Variants in GAL3ST2 observed in about 807,000 individuals in gnomAD.
GAL3ST2 encodes the protein beta-galactose-3-O-sulfotransferase 2.
In GAL3ST2, 16 loss-of-function variants were observed where a neutral mutation model predicts 12.9. The ratio of observed to expected loss-of-function variants is 1.24; its 90% CI spans 0.84 to 1.88. GAL3ST2 has a LOEUF of 1.88. Ranked by LOEUF, GAL3ST2 falls within the 40% of genes most tolerant of loss-of-function variation. The pLI is 0.00. For synonymous variants in GAL3ST2, 302 were observed against 273.9 expected (o/e 1.10, Z -1.01); for missense variants, 639 against 571.8 (o/e 1.12, Z -1.20).
At position 241,787,928 on chromosome 2, in the gene GAL3ST2, CCTCT is replaced by C. The variant is rs1699647672; in HGVS notation, c.29+10947_29+10950del. On this transcript the variant is annotated intron_variant, in intron 1 of 3. Coordinates refer to ENST00000192314, the MANE Select transcript of GAL3ST2 (RefSeq NM_022134.3). ...GAATTCCAAATTGTGGGTAACAAGG[CCTCT>C]CTAATTTGGCTAAAATTCCTTGCAG... Among the ~76,000 whole-genome samples, 4 of 152,260 alleles carry C rather than the reference CCTCT, an allele frequency of 2.6e-5. No homozygotes were observed. In the East Asian group the frequency reaches 7.7e-4, roughly 29 times the overall value.
chr2:241,793,500 A>G lies in GAL3ST2; in HGVS notation c.30-5565A>G, dbSNP rs575508553. Among the ~76,000 whole-genome samples the G allele has an allele frequency of 5.0e-4, 76 of 151,266 alleles. No homozygotes were observed. The highest frequency in any genetic ancestry group is 1.7e-3 in the African/African-American group (71 of 40,996). On this transcript the variant is annotated intron_variant, in intron 1 of 3. Coordinates refer to ENST00000192314, the MANE Select transcript of GAL3ST2 (RefSeq NM_022134.3). The surrounding 1 kb of genome is among the most constrained non-coding windows in gnomAD (Gnocchi z 4.7). The stretch of plus-strand genomic sequence containing the variant: ...TGTGTATTATATGTACATATTGTGT[A>G]TGTGTGTGTATATGTATGTGTGTAT...
chr2:241,799,083 C>T lies in GAL3ST2; in HGVS notation c.48C>T (p.Leu16=). Reference sequence around the variant, plus strand: ...TCCACAGATACTTCCGGGTCATCCTCCTCCTCCTCCTGGCCCTGACTCTGC... The same window carrying T: ...TCCACAGATACTTCCGGGTCATCCTTCTCCTCCTCCTGGCCCTGACTCTGC... The part of the protein sequence containing the change: ...GGLQRYFRVI[L]LLLLALTLLL... Residue 16 remains leucine, a synonymous_variant, in exon 2 of 4, where the codon CTC becomes CTT. Coordinates refer to ENST00000192314, the MANE Select transcript of GAL3ST2 (RefSeq NM_022134.3). 1.2e-6 allele frequency: 2 copies of T among 1,613,442 alleles called. No homozygotes were observed. The highest frequency in any genetic ancestry group is 1.7e-6 in the Non-Finnish European group (2 of 1,179,884).
chr2:241,798,732 G>A (rs988703724), intron 1 of GAL3ST2, among the ~76,000 whole-genome samples: 1 of 152,140 alleles, frequency 6.6e-6, no homozygotes, highest in African/African-American at 2.4e-5. Context: ...CCCTGCGTGG[G>A]TAGAGGTCCC....
At position 241,801,704 on chromosome 2, in the gene GAL3ST2, C is replaced by A. The variant is rs577777347; in HGVS notation, c.120-77C>A. ...TTGGGAGGTCTCTCCTTGCGGTTGC[C>A]GGGCTGGGGGTCGCTGTTGGGCGGG... On this transcript the variant is annotated intron_variant, in intron 2 of 3. Transcript: ENST00000192314. This position sits in a 1 kb window ranked among gnomAD's most constrained non-coding sequence, Gnocchi z 4.4. The A allele has an allele frequency of 9.3e-6, 14 of 1,510,188 alleles. No individual in the cohort carries two copies. The highest frequency in any genetic ancestry group is 1.2e-5 in the Non-Finnish European group (14 of 1,138,392). 93.5% of individuals were successfully genotyped at this position (1,510,188 alleles called of 1,614,324 possible).
In GAL3ST2 at chr2:241,795,922, G is replaced by T. The variant is rs551396857; in HGVS notation, c.30-3143G>T. 3.0e-4 allele frequency among the ~76,000 whole-genome samples: 45 copies of T among 152,228 alleles called. No individual in the cohort carries two copies. The highest frequency in any genetic ancestry group is 1.1e-3 in the African/African-American group (44 of 41,464). On this transcript the variant is annotated intron_variant, in intron 1 of 3. Transcript: ENST00000192314. This position sits in a 1 kb window ranked among gnomAD's most constrained non-coding sequence, Gnocchi z 4.5. ...GTTCCATTTTGACGTAAGGACTGGAGGGGTGCATTGAAGAATTGTAGAGTG... is the reference window on the plus strand; with the variant it reads ...GTTCCATTTTGACGTAAGGACTGGATGGGTGCATTGAAGAATTGTAGAGTG...
In GAL3ST2 at chr2:241,801,678, G is replaced by A. The variant is rs1699848431; in HGVS notation, c.120-103G>A. On this transcript the variant is annotated intron_variant, in intron 2 of 3. Transcript: ENST00000192314. This position sits in a 1 kb window ranked among gnomAD's most constrained non-coding sequence, Gnocchi z 4.4. ...CCTGGCCTAGAGTTGGGGGGCTCAG[G>A]TTGGGAGGTCTCTCCTTGCGGTTGC... 1 of 1,464,320 alleles carries A rather than the reference G, an allele frequency of 6.8e-7. No individual in the cohort carries two copies. The highest frequency in any genetic ancestry group is 2.4e-5 in the East Asian group (1 of 41,704). The allele number at this position is 1,464,320 out of a possible 1,614,324, so 90.7% of individuals were successfully genotyped here. A position where few individuals can be genotyped will look rare whatever the true frequency, so the allele number is the denominator to read the frequency against.
Position 241,801,994 on chromosome 2 carries a change from C to G in GAL3ST2, c.333C>G (p.Arg111=). 1 of 1,612,780 alleles carries G rather than the reference C, an allele frequency of 6.2e-7. No homozygotes were observed. The highest frequency in any genetic ancestry group is 8.5e-7 in the Non-Finnish European group (1 of 1,179,842). The change falls in exon 3 of 4, where the codon CGC becomes CGG. Residue 111 remains arginine, a synonymous_variant. Coordinates refer to ENST00000192314, the MANE Select transcript of GAL3ST2 (RefSeq NM_022134.3). This position sits in a 1 kb window ranked among gnomAD's most constrained non-coding sequence, Gnocchi z 4.4. ...TGGAAGGCGTGGGGTCGCAGCAGCG[C>G]TTCAACATCATGTGCAACCACCTGA... ...RYVEGVGSQQ[R]FNIMCNHLRF... is the part of the protein sequence containing the mutation.
At position 241,800,351 on chromosome 2, in the gene GAL3ST2, C is replaced by CACAGCCGCCGACCCAGGCTGGGA. The variant is rs1699826767; in HGVS notation, c.119+1197_119+1198insACAGCCGCCGACCCAGGCTGGGA. Reference sequence around the variant, plus strand: ...CACAGCCGCCGACCCAGGCTGGGAGCGGGCACTTCGAGGGAGGGGGTGGGA... The same window carrying CACAGCCGCCGACCCAGGCTGGGA: ...CACAGCCGCCGACCCAGGCTGGGAGCACAGCCGCCGACCCAGGCTGGGAGGGCACTTCGAGGGAGGGGGTGGGA... On this transcript the variant is annotated intron_variant, in intron 2 of 3. Coordinates refer to ENST00000192314, the MANE Select transcript of GAL3ST2 (RefSeq NM_022134.3). The surrounding 1 kb of genome is among the most constrained non-coding windows in gnomAD (Gnocchi z 5.2). 7.7e-6 allele frequency among the ~76,000 whole-genome samples: 1 copy of CACAGCCGCCGACCCAGGCTGGGA among 130,038 alleles called. No homozygotes were observed. Among genetic ancestry groups the CACAGCCGCCGACCCAGGCTGGGA allele is most frequent in the African/African-American group, 2.8e-5 (1 of 35,776 alleles). The allele number at this position is 130,038 out of a possible 152,430, so 85.3% of individuals were successfully genotyped here. A position where few individuals can be genotyped will look rare whatever the true frequency, so the allele number is the denominator to read the frequency against.
At chr2:241,780,013 G>A (rs2125188624) in intron 1 of GAL3ST2, among the ~76,000 whole-genome samples, 1 of 151,378 alleles carries the variant, frequency 6.6e-6, no homozygotes, top group East Asian at 1.9e-4. Context: ...GCTTATGTAT[G>A]TAAATAGATT....
At chr2:241,783,012 G>T (rs1050823737) in intron 1 of GAL3ST2, among the ~76,000 whole-genome samples, 1 of 151,968 alleles carries the variant, frequency 6.6e-6, no homozygotes, top group Non-Finnish European at 1.5e-5. Context: ...GGTGGTGGGT[G>T]CCTGTAATCC....
At chr2:241,796,189 C>A (rs916110193) in intron 1 of GAL3ST2, among the ~76,000 whole-genome samples, 1 of 152,170 alleles carries the variant, frequency 6.6e-6, no homozygotes, top group Non-Finnish European at 1.5e-5. Flanking sequence ...CTGGGGGTTC[C>A]GGTGTGGACT....
chr2:241,798,953 A>G, intron 1 of GAL3ST2, 112 bp from the exon 2 acceptor site: 2 of 807,274 alleles, frequency 2.5e-6, no homozygotes, highest in Non-Finnish European at 4.2e-6. Context: ...TACAGAGGTG[A>G]GGGGAGGCCC....
intron 1 of GAL3ST2, among the ~76,000 whole-genome samples, chr2:241,789,470 C>A (rs1699670990): frequency 6.6e-6 from 1 of 152,186 alleles, no homozygotes; most frequent in Admixed American, 6.5e-5. Context: ...TGAGTTATTT[C>A]CTTTAATATG....
Position 241,801,780 on chromosome 2 carries a change from G to A in GAL3ST2, c.120-1G>A. 1 of 1,612,038 alleles carries A rather than the reference G, an allele frequency of 6.2e-7. No homozygotes were observed. Among genetic ancestry groups the A allele is most frequent in the Non-Finnish European group, 8.5e-7 (1 of 1,179,670 alleles). Reference sequence around the variant, plus strand: ...AAGGCTGCGTGTGCCTTCCCTCCCAGCCTGTTTGGGGGCCAGGCTGAGGGG... The same window carrying A: ...AAGGCTGCGTGTGCCTTCCCTCCCAACCTGTTTGGGGGCCAGGCTGAGGGG... On this transcript the variant is annotated splice_acceptor_variant, in intron 2 of 3. Coordinates refer to ENST00000192314, the MANE Select transcript of GAL3ST2 (RefSeq NM_022134.3). LOFTEE classifies it high-confidence loss of function. The surrounding 1 kb of genome is among the most constrained non-coding windows in gnomAD (Gnocchi z 4.4).
Position 241,777,260 on chromosome 2 carries a change from C to T in GAL3ST2, c.29+276C>T, listed in dbSNP as rs140485215. 3.5e-3 allele frequency among the ~76,000 whole-genome samples: 529 copies of T among 152,308 alleles called. 2 individuals carry two copies. The highest frequency in any genetic ancestry group is 0.012 in the African/African-American group (502 of 41,558). On this transcript the variant is annotated intron_variant, in intron 1 of 3. Coordinates refer to ENST00000192314, the MANE Select transcript of GAL3ST2 (RefSeq NM_022134.3). The stretch of plus-strand genomic sequence containing the variant: ...GCCCCCCAACACTGTGGCGTGGAGA[C>T]GCTCGAGTGTCCGCGTGACGGCTGG...
chr2:241,791,518 A>T (rs1699693670), intron 1 of GAL3ST2, among the ~76,000 whole-genome samples: 1 of 152,222 alleles, frequency 6.6e-6, no homozygotes, highest in Non-Finnish European at 1.5e-5. Context: ...CTGTGGCAAG[A>T]AAAGAATATC....
rs1164732842 is a variant in GAL3ST2 at position 241,777,719 on chromosome 2, A to C, written c.29+735A>C. On this transcript the variant is annotated intron_variant, in intron 1 of 3. Coordinates refer to ENST00000192314, the MANE Select transcript of GAL3ST2 (RefSeq NM_022134.3). ...GGACACTGGCTGAGGACACCCCGTC[A>C]CAGGGCTGAGAGGTGTGGGGCCGGC... 2.0e-5 allele frequency among the ~76,000 whole-genome samples: 3 copies of C among 152,122 alleles called. No individual in the cohort carries two copies. The East Asian group carries it at 5.8e-4, about 29-fold the overall frequency.
Position 241,803,956 on chromosome 2 carries a change from G to T in GAL3ST2, c.987G>T (p.Lys329Asn). ...SLCLQDGGAL[K>N]NHTQIRDPRL... ...GCCTGCAGGACGGCGGCGCGCTCAAGAACCACACGCAGATCAGAGACCCGC... is the reference window on the plus strand; with the variant it reads ...GCCTGCAGGACGGCGGCGCGCTCAATAACCACACGCAGATCAGAGACCCGC... Residue 329 changes from lysine to asparagine, a missense_variant, in exon 4 of 4, where the codon AAG becomes AAT. By Grantham distance (94) the Lys-to-Asn change is moderately conservative. Transcript: ENST00000192314. 1 of 1,496,046 alleles carries T rather than the reference G, an allele frequency of 6.7e-7. No homozygotes were observed. Among genetic ancestry groups the T allele is most frequent in the Non-Finnish European group, 8.9e-7 (1 of 1,126,138 alleles). 92.7% of individuals were successfully genotyped at this position (1,496,046 alleles called of 1,614,324 possible). A position where few individuals can be genotyped will look rare whatever the true frequency, so the allele number is the denominator to read the frequency against.
intron 1 of GAL3ST2, among the ~76,000 whole-genome samples, chr2:241,788,586 A>C (rs950325342): frequency 6.6e-6 from 1 of 152,150 alleles, no homozygotes; most frequent in African/African-American, 2.4e-5. Context: ...TTCAGCTCCA[A>C]AGAGAAAAGG....
Sources: allele counts gnomAD v4.1 joint callset (sites outside exome capture counted in the v4.1 genomes callset), GRCh38; gene constraint gnomAD v4.1.1; non-coding constraint Gnocchi (gnomAD v3.1); transcripts MANE v1.5; gene names NCBI Gene and HGNC (gene_info 2026-07-23, HGNC 2026-07-21).